Variants in ATM observed in about 807,000 individuals in gnomAD.
ATM encodes ATM serine/threonine kinase.
A neutral mutation model predicts 387.0 loss-of-function variants in ATM; 308 were observed. The observed-to-expected ratio is 0.80, with a 90% CI of 0.73 to 0.87. The LOEUF (loss-of-function observed/expected upper bound fraction) is 0.87. Ranked by LOEUF, ATM falls within the 40% of genes least tolerant of loss-of-function variation. The pLI, the probability that ATM is intolerant of heterozygous loss-of-function variation, is 0.00. For missense variants in ATM, 3,312 were observed against 3,560.9 expected, an observed-to-expected ratio of 0.93 and a Z score of 1.78; for synonymous variants, 1,156 against 1,187.3, an observed-to-expected ratio of 0.97 and a Z score of 0.54.
intron 23 of ATM, among the ~76,000 whole-genome samples, chr11:108,280,236 C>A (rs2082161760): frequency 6.6e-6 from 1 of 152,060 alleles, no homozygotes; most frequent in African/African-American, 2.4e-5. Context: ...AACATAAAAT[C>A]TAATGAGATA....
intron 50 of ATM, among the ~76,000 whole-genome samples, 188 bp downstream of exon 50, chr11:108,330,609 G>A (rs2086153969): frequency 6.6e-6 from 1 of 152,104 alleles, no homozygotes; most frequent in Non-Finnish European, 1.5e-5. Flanking sequence ...TTCTAGTCTT[G>A]TTTCTACAAA....
chr11:108,317,488 G>C lies in ATM; in HGVS notation c.6314G>C (p.Arg2105Thr). The change falls in exon 43 of 63, where the codon AGG (arginine) becomes ACG (threonine). Residue 2105 changes from arginine to threonine, a missense_variant. This residue lies in a region of ATM where 1,405 missense variants were observed against 1,604.4 expected (regional missense o/e 0.88). Coordinates refer to ENST00000675843, the MANE Select transcript of ATM (RefSeq NM_000051.4). ...GAACTTCATTACCAAGCAGCATGGA[G>C]GAATATGCAGTGGGACCATTGCACT... ...LEELHYQAAW[R>T]NMQWDHCTSV... 1 of 1,611,322 alleles carries C rather than the reference G, an allele frequency of 6.2e-7. No homozygotes were observed. The highest frequency in any genetic ancestry group is 2.2e-5 in the East Asian group (1 of 44,722).
At chr11:108,266,959 C>G (rs1412839131) in intron 16 of ATM, among the ~76,000 whole-genome samples, 2 of 151,950 alleles carry the variant, frequency 1.3e-5, no homozygotes, top group Non-Finnish European at 2.9e-5. Context: ...CCACACCCAG[C>G]TAATTTTTGT....
intron 5 of ATM, 33 bp downstream of exon 5, chr11:108,235,867 T>C (rs1158747220): frequency 6.2e-7 from 1 of 1,612,138 alleles, no homozygotes; most frequent in Non-Finnish European, 8.5e-7. Flanking sequence ...TGTGAATTTT[T>C]CCTCATGAAA....
At chr11:108,277,383 C>T (rs1364640774) in intron 22 of ATM, among the ~76,000 whole-genome samples, 1 of 152,140 alleles carries the variant, frequency 6.6e-6, no homozygotes, top group Non-Finnish European at 1.5e-5. Flanking sequence ...ATGGGTCCGT[C>T]TCGCTGGCGT....
chr11:108,302,671 A>G (rs1047171619), intron 35 of ATM, among the ~76,000 whole-genome samples, 182 bp from the exon 36 acceptor site: 2 of 152,096 alleles, frequency 1.3e-5, no homozygotes, highest in Non-Finnish European at 2.9e-5. Flanking sequence ...AGTTTTTGCC[A>G]TACCACTCTG....
chr11:108,225,015 G>C (rs978203311), intron 1 of ATM: 1 of 151,976 alleles, frequency 6.6e-6, no homozygotes, highest in Admixed American at 6.6e-5. Flanking sequence ...TTAAGCTGAA[G>C]GTAAGAAAAA....
At position 108,293,351 on chromosome 11, in the gene ATM, G is replaced by A; in HGVS notation, c.4650G>A (p.Lys1550=). 2 of 1,584,040 alleles carry A rather than the reference G, an allele frequency of 1.3e-6. No homozygotes were observed. Among genetic ancestry groups the A allele is most frequent in the South Asian group, 1.1e-5 (1 of 89,226 alleles). The change falls in exon 31 of 63, where the codon AAG becomes AAA. Residue 1550 remains lysine, a synonymous_variant. Coordinates refer to ENST00000675843, the MANE Select transcript of ATM (RefSeq NM_000051.4). ...TGAAATACTTAGTGATAGATAACAAGGATAATGAAAACCTCTATATCACGA... is the reference window on the plus strand; with the variant it reads ...TGAAATACTTAGTGATAGATAACAAAGATAATGAAAACCTCTATATCACGA... ...DLLKYLVIDN[K]DNENLYITIK... is the part of the protein sequence containing the mutation.
rs1591451698 is a variant in ATM, at chr11:108,229,220, A to C, written c.228A>C (p.Arg76Ser). The C allele has an allele frequency of 1.2e-6, 2 of 1,613,546 alleles. No homozygotes were observed. The highest frequency in any genetic ancestry group is 8.5e-7 in the Non-Finnish European group (1 of 1,179,734). Residue 76 changes from arginine (R) to serine (S), a missense_variant, in exon 4 of 63, where the codon AGA becomes AGC. Arg to Ser is a moderately radical substitution (Grantham distance 110). Around this residue, in one of 4 missense-constraint regions of ATM, gnomAD observed 1,791 missense variants for 1,804.5 expected, o/e 0.99. Coordinates refer to ENST00000675843, the MANE Select transcript of ATM (RefSeq NM_000051.4). ...TTCAGAAAGAAACAGAATGTCTGAG[A>C]ATAGCAAAACCAAATGTATCAGCCT... Reference protein sequence around the residue: ...KYIQKETECLRIAKPNVSAST... With the variant: ...KYIQKETECLSIAKPNVSAST...
At position 108,325,366 on chromosome 11, in the gene ATM, A is replaced by G; in HGVS notation, c.6629A>G (p.Gln2210Arg). Residue 2210 changes from glutamine to arginine, a missense_variant, in exon 46 of 63, where the codon CAG (glutamine) becomes CGG (arginine). Gln to Arg is a conservative substitution (Grantham distance 43, BLOSUM62 1). Transcript: ENST00000675843. ...TATATTAAGTGGCAGAAACACTCCC[A>G]GCTTCTCAAGGACAGTGATTTTAGT... is the stretch of plus-strand genomic sequence containing the variant. ...EVYIKWQKHS[Q>R]LLKDSDFSFQ... 6.2e-7 allele frequency: 1 copy of G among 1,612,932 alleles called. No individual in the cohort carries two copies. The highest frequency in any genetic ancestry group is 1.1e-5 in the South Asian group (1 of 91,050).
intron 45 of ATM, 53 bp downstream of exon 45, chr11:108,321,473 A>G (rs1591108267): frequency 5.6e-6 from 9 of 1,612,316 alleles, no homozygotes; most frequent in East Asian, 4.5e-5. Flanking sequence ...TCTGTTACCA[A>G]TAGTGACTTT....
At chr11:108,361,397 C>T (rs1340368034) in intron 61 of ATM, among the ~76,000 whole-genome samples, 1 of 151,548 alleles carries the variant, frequency 6.6e-6, no homozygotes, top group East Asian at 1.9e-4. Context: ...GATTCAATGG[C>T]ATCCCCATCA....
At chr11:108,334,112 A>G (rs529482831) in intron 54 of ATM, 144 bp downstream of exon 54, 2 of 675,038 alleles carry the variant, frequency 3.0e-6, no homozygotes, top group African/African-American at 1.8e-5. Flanking sequence ...TCTCAGTATT[A>G]TATTTCCTTT....
intron 1 of ATM, chr11:108,226,384 A>G (rs1329288758): frequency 1.3e-5 from 2 of 152,122 alleles, no homozygotes; most frequent in Non-Finnish European, 2.9e-5. Flanking sequence ...ATTTTTTTGA[A>G]GGACATCAAA....
At chr11:108,331,069 CT>C in intron 50 of ATM, 1 of 682,788 alleles carries the variant, frequency 1.5e-6, no homozygotes, top group Non-Finnish European at 1.9e-6. Flanking sequence ...CTAAATATTA[CT>C]TTTGGCCTAT....
At position 108,256,214 on chromosome 11, in the gene ATM, GA is replaced by G. The variant is rs1057517248; in HGVS notation, c.2125del (p.Ile709LeufsTer26). The G allele has an allele frequency of 1.9e-6, 3 of 1,602,174 alleles. No homozygotes were observed. The highest frequency in any genetic ancestry group is 2.6e-6 in the Non-Finnish European group (3 of 1,172,436). ...TATTTTTATTTGTGGTTTACTTTAA[GA>G]TTACAAATTCAGAAACTCTTGTCCG... is the stretch of plus-strand genomic sequence containing the variant. ...EQLLNNYSSE[I>X]TNSETLVRCS... is the part of the protein sequence containing the mutation. On this transcript the variant is annotated frameshift_variant and splice_region_variant, in exon 14 of 63. Coordinates refer to ENST00000675843, the MANE Select transcript of ATM (RefSeq NM_000051.4). LOFTEE classifies it high-confidence loss of function.
chr11:108,288,858 G>GA, intron 27 of ATM, 119 bp from the exon 28 acceptor site: 1 of 1,199,462 alleles, frequency 8.3e-7, no homozygotes, highest in Non-Finnish European at 1.2e-6. Context: ...TTTTTCAGTA[G>GA]AAAAATGGTT....
At chr11:108,253,588 CTCTA>C (rs538375778) in intron 12 of ATM, among the ~76,000 whole-genome samples, 51 of 152,044 alleles carry the variant, frequency 3.4e-4, no homozygotes, top group Middle Eastern at 6.8e-3. Flanking sequence ...TGTATTTTTT[CTCTA>C]TCTATTAGTA....
intron 39 of ATM, among the ~76,000 whole-genome samples, chr11:108,312,077 T>C (rs1386863348): frequency 6.6e-6 from 1 of 152,178 alleles, no homozygotes; most frequent in East Asian, 1.9e-4. Flanking sequence ...TAATTATTGA[T>C]TGGGTTGAAT....
Sources: allele counts gnomAD v4.1 joint callset (sites outside exome capture counted in the v4.1 genomes callset), GRCh38; gene constraint gnomAD v4.1.1; regional missense constraint gnomAD v4.1.1; transcripts MANE v1.5; gene names NCBI Gene and HGNC (gene_info 2026-07-23, HGNC 2026-07-21).